The following PCDH17 variants were observed in gnomAD, a reference collection of about 807,000 sequenced individuals.
PCDH17 encodes the protein protocadherin 17.
In PCDH17, 21 loss-of-function variants were observed where a neutral mutation model predicts 67.7. The observed-to-expected ratio is 0.31, with a 90% CI of 0.22 to 0.45. The LOEUF (loss-of-function observed/expected upper bound fraction) is 0.45, where lower values mean the gene tolerates loss of function less well. PCDH17 is among the 20% of genes least tolerant of loss of function. The pLI is 1.00. For missense variants in PCDH17, 1,471 were observed against 1,564.8 expected, an observed-to-expected ratio of 0.94 and a Z score of 1.01; for synonymous variants, 701 against 656.7, an observed-to-expected ratio of 1.07 and a Z score of -1.03.
At chr13:57,643,445 A>T (rs543983955) in intron 1 of PCDH17, among the ~76,000 whole-genome samples, 38 of 151,612 alleles carry the variant, frequency 2.5e-4, no homozygotes, top group Non-Finnish European at 5.2e-4. Context: ...GTTAAAAATA[A>T]TTACTTCAAT....
At chr13:57,630,245 C>A (rs974738003), upstream of PCDH17, among the ~76,000 whole-genome samples, 1 of 152,018 alleles carries the variant, frequency 6.6e-6, no homozygotes, top group South Asian at 2.1e-4. Context: ...GCTTTGCTTG[C>A]GGAGATGGAT....
intron 3 of PCDH17, among the ~76,000 whole-genome samples, chr13:57,670,616 T>C (rs1412251377): frequency 6.6e-6 from 1 of 150,932 alleles, no homozygotes; most frequent in Non-Finnish European, 1.5e-5. Flanking sequence ...TTTAGAAAAA[T>C]AATGTTTTAT....
intron 1 of PCDH17, among the ~76,000 whole-genome samples, chr13:57,666,204 G>A (rs1411169761): frequency 6.6e-6 from 1 of 152,162 alleles, no homozygotes; most frequent in Non-Finnish European, 1.5e-5. Flanking sequence ...CACAGCCAGT[G>A]TTATCCATCC....
chr13:57,666,445 A>AC (rs773318008), intron 1 of PCDH17, 23 bp from the exon 2 acceptor site: 1 of 1,597,674 alleles, frequency 6.3e-7, no homozygotes, highest in Non-Finnish European at 8.6e-7. Flanking sequence ...AACTATACGT[A>AC]TTTTTTTCCT....
At chr13:57,661,426 A>C (rs1209399712) in intron 1 of PCDH17, among the ~76,000 whole-genome samples, 1 of 152,072 alleles carries the variant, frequency 6.6e-6, no homozygotes, top group Non-Finnish European at 1.5e-5. Flanking sequence ...CTTGTTTTTA[A>C]ATTCTCTTAA....
chr13:57,647,584 G>A (rs993550897), intron 1 of PCDH17, among the ~76,000 whole-genome samples: 2 of 151,558 alleles, frequency 1.3e-5, no homozygotes, highest in African/African-American at 2.4e-5. Context: ...ATATACACAG[G>A]GGTGGATTGG....
At chr13:57,678,430 T>C (rs572312022) in intron 3 of PCDH17, among the ~76,000 whole-genome samples, 2 of 151,504 alleles carry the variant, frequency 1.3e-5, no homozygotes, top group African/African-American at 2.4e-5. Flanking sequence ...AGGATATTCA[T>C]TGAAGCATAA....
At chr13:57,697,614 G>A (rs576647898) in intron 3 of PCDH17, among the ~76,000 whole-genome samples, 17 of 151,546 alleles carry the variant, frequency 1.1e-4, no homozygotes, top group Admixed American at 4.6e-4. Context: ...CATACTGGCC[G>A]GATAAGAATG....
chr13:57,716,621 C>T (rs919826399), intron 3 of PCDH17, among the ~76,000 whole-genome samples: 1 of 151,870 alleles, frequency 6.6e-6, no homozygotes, highest in Non-Finnish European at 1.5e-5. Context: ...TGCTGCTTGA[C>T]GTTCATATGA....
In PCDH17 at chr13:57,634,533, G is replaced by A; in HGVS notation, c.1987G>A (p.Val663Met). The A allele has an allele frequency of 3.7e-6, 6 of 1,613,024 alleles. No homozygotes were observed. Among genetic ancestry groups the A allele is most frequent in the Non-Finnish European group, 5.1e-6 (6 of 1,180,004 alleles). The change falls in exon 1 of 4, where the codon GTG becomes ATG. Residue 663 changes from valine (V) to methionine (M), a missense_variant. Physicochemically the swap from Val to Met is conservative, Grantham distance 21. Coordinates refer to ENST00000377918, the MANE Select transcript of PCDH17 (RefSeq NM_001040429.3). This position sits in a 1 kb window ranked among gnomAD's most constrained non-coding sequence, Gnocchi z 7.8. ...EDVTPVVELV[V>M]KVTDHGKPTL... Reference sequence around the variant, plus strand: ...CGTGACGCCCGTGGTGGAGCTGGTGGTGAAGGTGACCGACCACGGCAAGCC... The same window carrying A: ...CGTGACGCCCGTGGTGGAGCTGGTGATGAAGGTGACCGACCACGGCAAGCC...
At chr13:57,717,695 C>T (rs1390313729) in intron 3 of PCDH17, among the ~76,000 whole-genome samples, 3 of 151,892 alleles carry the variant, frequency 2.0e-5, no homozygotes, top group East Asian at 1.9e-4. Flanking sequence ...TCAAAGCTGC[C>T]GTGGTTTGAC....
At chr13:57,661,144 T>G (rs1955178464) in intron 1 of PCDH17, among the ~76,000 whole-genome samples, 1 of 152,220 alleles carries the variant, frequency 6.6e-6, no homozygotes, top group African/African-American at 2.4e-5. Flanking sequence ...TTCCAGTTGT[T>G]CCACATCCTC....
Position 57,635,001 on chromosome 13 carries a change from G to T in PCDH17, c.2455G>T (p.Ala819Ser), listed in dbSNP as rs1374817596. The change falls in exon 1 of 4, where the codon GCC becomes TCC. Residue 819 changes from alanine (A) to serine (S), a missense_variant. This residue lies in a region of PCDH17 where 1,163 missense variants were observed against 1,230.0 expected (regional missense o/e 0.95). Coordinates refer to ENST00000377918, the MANE Select transcript of PCDH17 (RefSeq NM_001040429.3). ...GTCGGAGGTGATGTATCTCAAACCG[G>T]CCTCCAACAACCTGACTGTCCCTCA... ...PRSEVMYLKPASNNLTVPQGH... is the reference protein window; with the variant it reads ...PRSEVMYLKPSSNNLTVPQGH... 1 of 1,613,600 alleles carries T rather than the reference G, an allele frequency of 6.2e-7. No homozygotes were observed. The highest frequency in any genetic ancestry group is 1.7e-5 in the Admixed American group (1 of 60,000).
intron 3 of PCDH17, among the ~76,000 whole-genome samples, chr13:57,685,381 A>G (rs915990685): frequency 1.1e-4 from 16 of 151,972 alleles, no homozygotes; most frequent in Admixed American, 4.6e-4. Context: ...CTTCTCAAAT[A>G]TAGTTTGCAT....
At chr13:57,691,254 C>G (rs946180282) in intron 3 of PCDH17, among the ~76,000 whole-genome samples, 4 of 151,158 alleles carry the variant, frequency 2.6e-5, no homozygotes, top group Admixed American at 1.3e-4. Context: ...TTAATTCACT[C>G]AATACATGAC....
At chr13:57,658,764 GTTTGTTTTGTTTTGT>G (rs61473114) in intron 1 of PCDH17, among the ~76,000 whole-genome samples, 1 of 150,006 alleles carries the variant, frequency 6.7e-6, no homozygotes, top group Non-Finnish European at 1.5e-5. Flanking sequence ...TTTTTCGTTT[GTTTGTTTTGTTTTGT>G]TTTGTTTTGT....
intron 3 of PCDH17, among the ~76,000 whole-genome samples, chr13:57,697,040 G>T (rs1955616837): frequency 6.6e-6 from 1 of 151,564 alleles, no homozygotes; most frequent in Non-Finnish European, 1.5e-5. Context: ...CTTGCATCAA[G>T]TGGGATCATT....
chr13:57,653,316 G>A (rs1566222313), intron 1 of PCDH17, among the ~76,000 whole-genome samples: 1 of 151,996 alleles, frequency 6.6e-6, no homozygotes, highest in African/African-American at 2.4e-5. Context: ...AGCCATTCCA[G>A]GGGGTATGAC....
At chr13:57,689,926 T>C (rs61961887) in intron 3 of PCDH17, among the ~76,000 whole-genome samples, 8,044 of 151,942 alleles carry the variant, frequency 0.053, 269 homozygotes, top group Middle Eastern at 0.095. Context: ...GTTAAAGATA[T>C]GTCTTAAAAT....
Sources: allele counts gnomAD v4.1 joint callset (sites outside exome capture counted in the v4.1 genomes callset), GRCh38; gene constraint gnomAD v4.1.1; regional missense constraint gnomAD v4.1.1; non-coding constraint Gnocchi (gnomAD v3.1); transcripts MANE v1.5; gene names NCBI Gene and HGNC (gene_info 2026-07-23, HGNC 2026-07-21).